NOTCH1: variants seen among roughly 807,000 people sequenced by gnomAD.
The protein encoded by NOTCH1 is notch receptor 1.
In NOTCH1, 37 loss-of-function variants were observed where a neutral mutation model predicts 254.8. The ratio of observed to expected loss-of-function variants is 0.15; its 90% confidence interval spans 0.11 to 0.19. NOTCH1 has a LOEUF of 0.19. NOTCH1 is among the 10% of genes least tolerant of loss of function. The pLI, the probability that NOTCH1 is intolerant of heterozygous loss-of-function variation, is 1.00. For synonymous variants in NOTCH1, 1,731 were observed against 1,618.1 expected (o/e 1.07, Z -1.68); for missense variants, 2,972 against 3,708.6 (o/e 0.80, Z 5.16).
rs1554727957 is a variant in NOTCH1 at position 136,505,354 on chromosome 9, G to A, written c.4542C>T (p.Cys1514=). ...HCDSQCNSAG[C]LFDGFDCQRA... Reference sequence around the variant, plus strand: ...GCTGGCAGTCAAAGCCGTCGAAGAGGCAGCCGGCTGAGTTGCACTGGCTGT... The same window carrying A: ...GCTGGCAGTCAAAGCCGTCGAAGAGACAGCCGGCTGAGTTGCACTGGCTGT... The change falls in exon 25 of 34, where the codon TGC becomes TGT. Residue 1514 remains cysteine, a synonymous_variant. Coordinates refer to ENST00000651671, the MANE Select transcript of NOTCH1 (RefSeq NM_017617.5). The A allele has an allele frequency of 4.4e-6, 7 of 1,605,618 alleles. No homozygotes were observed. The African/African-American group carries it at 8.0e-5, about 18-fold the overall frequency.
chr9:136,517,700 C>T (rs371270683), intron 8 of NOTCH1, 52 bp downstream of exon 8: 269 of 1,606,824 alleles, frequency 1.7e-4, no homozygotes, highest in Non-Finnish European at 2.1e-4. Context: ...GCTGCCCCTC[C>T]AAGGCTGCCC....
At chr9:136,525,051 C>G (rs972407238) in intron 2 of NOTCH1, among the ~76,000 whole-genome samples, 4 of 152,224 alleles carry the variant, frequency 2.6e-5, no homozygotes, top group Non-Finnish European at 5.9e-5. Flanking sequence ...GCTCAGCCCC[C>G]AGACACGTTT....
intron 9 of NOTCH1, 58 bp downstream of exon 9, chr9:136,517,213 AC>A: frequency 1.8e-6 from 2 of 1,093,840 alleles, no homozygotes; most frequent in Non-Finnish European, 2.7e-6. Context: ...ACGCCCAGGC[AC>A]CCCTCAGGAG....
At position 136,519,508 on chromosome 9, in the gene NOTCH1, T is replaced by C. The variant is rs761714431; in HGVS notation, c.800A>G (p.Lys267Arg). ...GCCGTCCACACAGGCACCCCCGTTC[T>C]TGCAGTTGTTTCCTGGACAATCGTC... The part of the protein sequence containing the change: ...NIDDCPGNNC[K>R]NGGACVDGVN... Residue 267 changes from lysine to arginine, a missense_variant, in exon 5 of 34, where the codon AAG becomes AGG. Physicochemically the swap from Lys to Arg is conservative, Grantham distance 26. This residue lies in a region of NOTCH1 where 374 missense variants were observed against 496.3 expected (regional missense o/e 0.75). Coordinates refer to ENST00000651671, the MANE Select transcript of NOTCH1 (RefSeq NM_017617.5). 5.0e-6 allele frequency: 8 copies of C among 1,612,938 alleles called. No homozygotes were observed. The highest frequency in any genetic ancestry group is 5.9e-6 in the Non-Finnish European group (7 of 1,179,972).
rs369457922 is a variant in NOTCH1, at chr9:136,496,994, C to T, written c.6745G>A (p.Val2249Met). ...DTHLGIGHLN[V>M]AAKPEMAALG... is the part of the protein sequence containing the mutation. ...GCCGCCATCTCGGGCTTGGCCGCCACGTTCAGGTGCCCGATGCCCAGGTGG... is the reference window on the plus strand; with the variant it reads ...GCCGCCATCTCGGGCTTGGCCGCCATGTTCAGGTGCCCGATGCCCAGGTGG... Residue 2249 changes from valine (V) to methionine (M), a missense_variant, in exon 34 of 34, where the codon GTG becomes ATG. This residue lies in a region of NOTCH1 where 529 missense variants were observed against 529.2 expected (regional missense o/e 1.00). Transcript: ENST00000651671. 3.2e-5 allele frequency: 52 copies of T among 1,610,146 alleles called. No homozygotes were observed. Among genetic ancestry groups the T allele is most frequent in the Admixed American group, 1.7e-4 (10 of 59,870 alleles).
intron 13 of NOTCH1, among the ~76,000 whole-genome samples, chr9:136,514,303 C>T (rs1236758796): frequency 2.0e-5 from 3 of 152,232 alleles, no homozygotes; most frequent in South Asian, 2.1e-4. Context: ...CCCACAAGGA[C>T]ACGCAGCACA....
At chr9:136,536,095 C>T (rs951453269) in intron 2 of NOTCH1, among the ~76,000 whole-genome samples, 5 of 152,018 alleles carry the variant, frequency 3.3e-5, no homozygotes, top group Admixed American at 6.5e-5. Flanking sequence ...CCACAGGTCT[C>T]GGAGATACAC....
At chr9:136,525,188 G>A (rs906584039) in intron 2 of NOTCH1, among the ~76,000 whole-genome samples, 1 of 152,290 alleles carries the variant, frequency 6.6e-6, no homozygotes, top group South Asian at 2.1e-4. Flanking sequence ...CTGCAACCCC[G>A]TCAAGGTGGG....
At chr9:136,538,910 A>T (rs2133399696) in intron 2 of NOTCH1, among the ~76,000 whole-genome samples, 1 of 152,340 alleles carries the variant, frequency 6.6e-6, no homozygotes, top group Non-Finnish European at 1.5e-5. Context: ...CTATTTATAG[A>T]CGAGACATGA....
chr9:136,503,578 G>A (rs917131940), intron 26 of NOTCH1, among the ~76,000 whole-genome samples: 3 of 152,150 alleles, frequency 2.0e-5, no homozygotes, highest in Non-Finnish European at 2.9e-5. Flanking sequence ...TCCCTGGCCC[G>A]CCCTGACACC....
At chr9:136,530,275 G>C (rs1382746053) in intron 2 of NOTCH1, among the ~76,000 whole-genome samples, 2 of 152,232 alleles carry the variant, frequency 1.3e-5, no homozygotes, top group African/African-American at 2.4e-5. Flanking sequence ...TTGCATCCTC[G>C]GATGGTTTAA....
chr9:136,517,219 C>T (rs1843289385), intron 9 of NOTCH1, 53 bp downstream of exon 9: 2 of 1,199,860 alleles, frequency 1.7e-6, no homozygotes, highest in Non-Finnish European at 2.4e-6. Flanking sequence ...AGGCACCCCT[C>T]AGGAGGCCAG....
intron 15 of NOTCH1, among the ~76,000 whole-genome samples, chr9:136,511,705 T>C (rs1004081878): frequency 6.6e-6 from 1 of 152,202 alleles, no homozygotes; most frequent in African/African-American, 2.4e-5. Context: ...GACCGAGGCC[T>C]GAAACTAATC....
rs2133346975 is a variant in NOTCH1, at chr9:136,508,226, G to A, written c.3325+6C>T. ...GGACCCGAGCTGGGTGGGCACAGCA[G>A]GTTACCTTGTCGCTGCGCAGCCACC... On this transcript the variant is annotated splice_donor_region_variant and intron_variant, in intron 20 of 33. Transcript: ENST00000651671. 1 of 1,611,054 alleles carries A rather than the reference G, an allele frequency of 6.2e-7. No homozygotes were observed. The highest frequency in any genetic ancestry group is 8.5e-7 in the Non-Finnish European group (1 of 1,179,180).
At position 136,496,584 on chromosome 9, in the gene NOTCH1, C is replaced by T. The variant is rs770677681; in HGVS notation, c.7155G>A (p.Val2385=). 2 of 1,612,048 alleles carry T rather than the reference C, an allele frequency of 1.2e-6. No homozygotes were observed. Among genetic ancestry groups the T allele is most frequent in the Non-Finnish European group, 8.5e-7 (1 of 1,179,910 alleles). The change falls in exon 34 of 34, where the codon GTG becomes GTA. Residue 2385 remains valine, a synonymous_variant. Coordinates refer to ENST00000651671, the MANE Select transcript of NOTCH1 (RefSeq NM_017617.5). ...GCTGCATCTGTAAGTTTTGTGGCTGCACCTGCTGGGTCTGCACCAGGTGAG... is the reference window on the plus strand; with the variant it reads ...GCTGCATCTGTAAGTTTTGTGGCTGTACCTGCTGGGTCTGCACCAGGTGAG... ...TQPHLVQTQQ[V]QPQNLQMQQQ... is the part of the protein sequence containing the mutation.
rs1318510799 is a variant in NOTCH1 at position 136,502,257 on chromosome 9, G to A, written c.5384+15C>T. Reference sequence around the variant, plus strand: ...TCCCACCGGGGACCCAGAAGCAGGGGCGGCGTCCGCTCACTTGAGGCCCAC... The same window carrying A: ...TCCCACCGGGGACCCAGAAGCAGGGACGGCGTCCGCTCACTTGAGGCCCAC... On this transcript the variant is annotated intron_variant, in intron 28 of 33. Coordinates refer to ENST00000651671, the MANE Select transcript of NOTCH1 (RefSeq NM_017617.5). The A allele has an allele frequency of 6.2e-7, 1 of 1,609,248 alleles. No individual in the cohort carries two copies. The highest frequency in any genetic ancestry group is 1.1e-5 in the South Asian group (1 of 90,890).
At chr9:136,532,484 A>G (rs1482282181) in intron 2 of NOTCH1, among the ~76,000 whole-genome samples, 1 of 150,074 alleles carries the variant, frequency 6.7e-6, no homozygotes, top group African/African-American at 2.5e-5. Context: ...CCTCTGGGAG[A>G]GACCTTCCTG....
intron 2 of NOTCH1, among the ~76,000 whole-genome samples, chr9:136,527,016 T>G (rs1843471730): frequency 6.6e-6 from 1 of 152,158 alleles, no homozygotes; most frequent in Non-Finnish European, 1.5e-5. Flanking sequence ...AGCCACGGCT[T>G]GGAGGTTCCG....
At chr9:136,499,496 C>T (rs772734427) in intron 31 of NOTCH1, among the ~76,000 whole-genome samples, 25 of 152,240 alleles carry the variant, frequency 1.6e-4, no homozygotes, top group Admixed American at 7.2e-4. Flanking sequence ...TGGGATCCAT[C>T]GTGACCACGT....
Sources: gnomAD v4.1 joint callset for allele counts (sites outside exome capture counted in the v4.1 genomes callset) on GRCh38, gnomAD v4.1.1 for gene constraint, gnomAD v4.1.1 regional missense constraint, MANE v1.5 for transcripts, NCBI Gene and HGNC (gene_info 2026-07-23, HGNC 2026-07-21) for gene names.